The following WDR33 variants were observed in gnomAD, a reference collection of about 807,000 sequenced individuals.
The protein encoded by WDR33 is WD repeat domain 33.
WDR33 carries 47 observed loss-of-function variants against 164.9 expected under a neutral mutation model. That is an observed-to-expected ratio of 0.29 (90% CI 0.23 to 0.36). The LOEUF is 0.36. Among genes scored for constraint, WDR33 ranks in the 10% least tolerant of loss-of-function variants. The pLI is 1.00. For synonymous variants in WDR33, 505 were observed against 589.0 expected (o/e 0.86, Z 2.06); for missense variants, 1,137 against 1,754.1 (o/e 0.65, Z 6.28).
At position 127,709,853 on chromosome 2, in the gene WDR33, G is replaced by A. The variant is rs1686113668; in HGVS notation, c.3312C>T (p.Phe1104=). ...CATGCCTCGGCGGGGCTCCTCTTCT[G>A]AAACTGTAAAGAGAAAACAGCAGAA... The part of the protein sequence containing the change: ...PRFRGRREES[F]RRGAPPRHEG... Residue 1104 remains phenylalanine (F), a synonymous_variant, in exon 19 of 22, where the codon TTC becomes TTT. Coordinates refer to ENST00000322313, the MANE Select transcript of WDR33 (RefSeq NM_018383.5). The surrounding 1 kb of genome is among the most constrained non-coding windows in gnomAD (Gnocchi z 5.0). 6.2e-7 allele frequency: 1 copy of A among 1,613,700 alleles called. No homozygotes were observed. The highest frequency in any genetic ancestry group is 8.5e-7 in the Non-Finnish European group (1 of 1,179,948).
intron 1 of WDR33, among the ~76,000 whole-genome samples, chr2:127,792,965 G>A (rs1283229422): frequency 6.6e-6 from 1 of 152,166 alleles, no homozygotes; most frequent in East Asian, 1.9e-4. Context: ...AGATACGTCA[G>A]AAACATTACC....
At chr2:127,736,237 T>A (rs1300949801) in intron 7 of WDR33, 1 of 985,302 alleles carries the variant, frequency 1.0e-6, no homozygotes, top group East Asian at 1.1e-4. Context: ...ACTACATTTG[T>A]CTGGCAATGA....
In WDR33 at chr2:127,712,730, A is replaced by AT; in HGVS notation, c.3308+852dup. On this transcript the variant is annotated intron_variant, in intron 18 of 21. Coordinates refer to ENST00000322313, the MANE Select transcript of WDR33 (RefSeq NM_018383.5). This position sits in a 1 kb window ranked among gnomAD's most constrained non-coding sequence, Gnocchi z 4.0. ...TTAATTATTCTGAGTCTCACTTGAG[A>AT]TTTTACTATTTCCTGGTGTTTTTTT... Among the ~76,000 whole-genome samples, 1 of 152,282 alleles carries AT rather than the reference A, an allele frequency of 6.6e-6. No homozygotes were observed. The highest frequency in any genetic ancestry group is 2.1e-4 in the South Asian group (1 of 4,820).
At chr2:127,800,284 C>T (rs1041995347) in intron 1 of WDR33, among the ~76,000 whole-genome samples, 18 of 152,114 alleles carry the variant, frequency 1.2e-4, no homozygotes, top group Non-Finnish European at 2.6e-4. Flanking sequence ...ATAAAAATTA[C>T]AGCTTCTGAT....
Position 127,722,182 on chromosome 2 carries a change from A to G in WDR33, c.1519-194T>C, listed in dbSNP as rs1686457455. Among the ~76,000 whole-genome samples, 1 of 152,220 alleles carries G rather than the reference A, an allele frequency of 6.6e-6. No individual in the cohort carries two copies. Among genetic ancestry groups the G allele is most frequent in the African/African-American group, 2.4e-5 (1 of 41,462 alleles). On this transcript the variant is annotated intron_variant, in intron 14 of 21. Coordinates refer to ENST00000322313, the MANE Select transcript of WDR33 (RefSeq NM_018383.5). The surrounding 1 kb of genome is among the most constrained non-coding windows in gnomAD (Gnocchi z 5.1). ...GACATATTACTAGGTAGAAATTACT[A>G]TGGTGATAAAAGCTGCAAGACACTG...
chr2:127,748,509 T>C (rs1687228214), intron 7 of WDR33, among the ~76,000 whole-genome samples: 1 of 152,182 alleles, frequency 6.6e-6, no homozygotes, highest in Non-Finnish European at 1.5e-5. Flanking sequence ...AAGACCATGG[T>C]AAAATGTTTT....
intron 1 of WDR33, among the ~76,000 whole-genome samples, chr2:127,797,919 CAGG>C (rs1245352251): frequency 1.3e-5 from 2 of 151,780 alleles, no homozygotes; most frequent in Non-Finnish European, 2.9e-5. Context: ...GGGGCTGAAG[CAGG>C]AGGACTGCTT....
At chr2:127,788,499 G>C (rs1213664563) in intron 1 of WDR33, among the ~76,000 whole-genome samples, 3 of 121,168 alleles carry the variant, frequency 2.5e-5, no homozygotes, top group African/African-American at 3.4e-5. Context: ...CCTCCCGGAC[G>C]GGGCGGCTGG....
rs764744041 is a variant in WDR33, at chr2:127,754,583, A to ATT, written c.724+8477_724+8478dup. On this transcript the variant is annotated intron_variant, in intron 7 of 21. Transcript: ENST00000322313. Reference sequence around the variant, plus strand: ...ACATGTGCATGCCACCATGTTTTTCATTTTTTTTTTTTTTTTTTTTGTAGA... The same window carrying ATT: ...ACATGTGCATGCCACCATGTTTTTCATTTTTTTTTTTTTTTTTTTTTTGTAGA... Among the ~76,000 whole-genome samples, 181 of 118,978 alleles carry ATT rather than the reference A, an allele frequency of 1.5e-3. 2 individuals carry two copies. The highest frequency in any genetic ancestry group is 4.3e-3 in the Middle Eastern group (1 of 230). 78.1% of individuals were successfully genotyped at this position (118,978 alleles called of 152,430 possible). A position where few individuals can be genotyped will look rare whatever the true frequency, so the allele number is the denominator to read the frequency against.
intron 7 of WDR33, chr2:127,737,679 A>C: frequency 9.5e-7 from 1 of 1,055,256 alleles, no homozygotes; most frequent in Non-Finnish European, 1.1e-6. Context: ...GTAAGGAAGA[A>C]AACGCAGAAC....
chr2:127,792,879 A>T (rs72846282), intron 1 of WDR33, among the ~76,000 whole-genome samples: 4,689 of 152,204 alleles, frequency 0.031, 119 homozygotes, highest in Admixed American at 0.049. Flanking sequence ...AATAAAAACT[A>T]CCTTGATTAG....
Position 127,703,332 on chromosome 2 carries a change from C to T in WDR33, c.*2991G>A, listed in dbSNP as rs1685938081. On this transcript the variant is annotated 3_prime_UTR_variant, in exon 22 of 22. Transcript: ENST00000322313. ...AAAGCTCCCCAAGTGATTCTACGTT[C>T]CCCAAGTTTGAGGACCACTTTTCTG... 6.0e-6 allele frequency: 1 copy of T among 167,030 alleles called. No individual in the cohort carries two copies. Among genetic ancestry groups the T allele is most frequent in the Admixed American group, 6.5e-5 (1 of 15,272 alleles). The allele number at this position is 167,030 out of a possible 1,614,324, so 10.3% of individuals were successfully genotyped here. A position where few individuals can be genotyped will look rare whatever the true frequency, so the allele number is the denominator to read the frequency against.
At chr2:127,783,964 A>G (rs1221812566) in intron 1 of WDR33, among the ~76,000 whole-genome samples, 1 of 149,684 alleles carries the variant, frequency 6.7e-6, no homozygotes, top group African/African-American at 2.5e-5. Flanking sequence ...TTACTGTGGT[A>G]TTGGATACTG....
In WDR33 at chr2:127,726,908, C is replaced by T. The variant is rs2105386945; in HGVS notation, c.725-131G>A. The T allele has an allele frequency of 7.7e-6, 9 of 1,174,798 alleles. No individual in the cohort carries two copies. The highest frequency in any genetic ancestry group is 4.5e-5 in the South Asian group (3 of 66,692). 72.8% of individuals were successfully genotyped at this position (1,174,798 alleles called of 1,614,324 possible). A position where few individuals can be genotyped will look rare whatever the true frequency, so the allele number is the denominator to read the frequency against. On this transcript the variant is annotated intron_variant, in intron 7 of 21. Coordinates refer to ENST00000322313, the MANE Select transcript of WDR33 (RefSeq NM_018383.5). The surrounding 1 kb of genome is among the most constrained non-coding windows in gnomAD (Gnocchi z 4.8). Reference sequence around the variant, plus strand: ...CAACTTAAAACTTGTTTTGTGAAGACTCTTTGGCCTCTGTGTGTCTGGAAA... The same window carrying T: ...CAACTTAAAACTTGTTTTGTGAAGATTCTTTGGCCTCTGTGTGTCTGGAAA...
chr2:127,756,982 T>C (rs1267142677), intron 7 of WDR33, among the ~76,000 whole-genome samples: 1 of 149,794 alleles, frequency 6.7e-6, no homozygotes, highest in Non-Finnish European at 1.5e-5. Context: ...GAGGCTGAGG[T>C]GGGAGAATTG....
rs1198327065 is a variant in WDR33 at position 127,714,478 on chromosome 2, C to T, written c.2870-457G>A. Among the ~76,000 whole-genome samples, 1 of 152,216 alleles carries T rather than the reference C, an allele frequency of 6.6e-6. No individual in the cohort carries two copies. Among genetic ancestry groups the T allele is most frequent in the East Asian group, 1.9e-4 (1 of 5,198 alleles). On this transcript the variant is annotated intron_variant, in intron 17 of 21. Coordinates refer to ENST00000322313, the MANE Select transcript of WDR33 (RefSeq NM_018383.5). This position sits in a 1 kb window ranked among gnomAD's most constrained non-coding sequence, Gnocchi z 4.3. ...TGTACCCATCAACAGGGTGCCACTG[C>T]CACCCATGACATCCCTCCTCTAACC...
intron 4 of WDR33, among the ~76,000 whole-genome samples, chr2:127,767,290 C>A (rs1051365375): frequency 3.9e-5 from 6 of 151,994 alleles, no homozygotes; most frequent in Non-Finnish European, 7.4e-5. Context: ...GACTGTTAAC[C>A]AACAAGTGCA....
In WDR33 at chr2:127,763,273, A is replaced by T. The variant is rs1364886427; in HGVS notation, c.627-114T>A. 2.0e-6 allele frequency: 3 copies of T among 1,537,320 alleles called. No homozygotes were observed. The African/African-American group carries it at 4.1e-5, about 21-fold the overall frequency. ...TGCTGCATTATAAACAGGAGAGGGA[A>T]GAATCCAGTGAAGAAGCCCTTAAAG... is the stretch of plus-strand genomic sequence containing the variant. On this transcript the variant is annotated intron_variant, in intron 6 of 21. Coordinates refer to ENST00000322313, the MANE Select transcript of WDR33 (RefSeq NM_018383.5). This position sits in a 1 kb window ranked among gnomAD's most constrained non-coding sequence, Gnocchi z 4.5.
At chr2:127,804,328 A>G (rs1396319141) in intron 1 of WDR33, among the ~76,000 whole-genome samples, 1 of 152,234 alleles carries the variant, frequency 6.6e-6, no homozygotes, top group Non-Finnish European at 1.5e-5. Flanking sequence ...AAATAAAAAA[A>G]GAAAAGAAAT....
Sources: gnomAD v4.1 joint callset for allele counts (sites outside exome capture counted in the v4.1 genomes callset) on GRCh38, gnomAD v4.1.1 for gene constraint, Gnocchi (gnomAD v3.1) non-coding constraint, MANE v1.5 for transcripts, NCBI Gene and HGNC (gene_info 2026-07-23, HGNC 2026-07-21) for gene names.